ADGB: variants seen among roughly 807,000 people sequenced by gnomAD.
The protein encoded by ADGB is androglobin.
ADGB carries 172 observed loss-of-function variants against 210.5 expected under a neutral mutation model. The ratio of observed to expected loss-of-function variants is 0.82; its 90% CI spans 0.72 to 0.93. ADGB has a LOEUF of 0.93. ADGB is among the 40% of genes least tolerant of loss of function. The pLI, the probability that ADGB is intolerant of heterozygous loss-of-function variation, is 0.00. For synonymous variants in ADGB, 658 were observed against 662.7 expected (o/e 0.99, Z 0.11); for missense variants, 2,025 against 1,964.8 (o/e 1.03, Z -0.58).
intron 27 of ADGB, among the ~76,000 whole-genome samples, chr6:146,754,604 G>A (rs985589425): frequency 2.6e-5 from 4 of 151,682 alleles, no homozygotes; most frequent in African/African-American, 9.7e-5. Context: ...TTAGCCATGG[G>A]CTATGATTTA....
intron 1 of ADGB, among the ~76,000 whole-genome samples, chr6:146,610,273 G>GT (rs1780687770): frequency 6.6e-6 from 1 of 152,108 alleles, no homozygotes; most frequent in African/African-American, 2.4e-5. Flanking sequence ...TGTTGGATTG[G>GT]TTTTCAACTT....
At chr6:146,728,438 A>T in intron 19 of ADGB, 136 bp from the exon 20 acceptor site, 1 of 928,076 alleles carries the variant, frequency 1.1e-6, no homozygotes, top group Non-Finnish European at 1.5e-6. Context: ...TAGTAAAGCT[A>T]CCTTGATATC....
chr6:146,792,553 T>G (rs977101454), intron 33 of ADGB, among the ~76,000 whole-genome samples: 1 of 152,108 alleles, frequency 6.6e-6, no homozygotes, highest in Non-Finnish European at 1.5e-5. Context: ...GACTTTTTTT[T>G]TTTTTACCCA....
At chr6:146,599,882 C>A (rs1357220228) in intron 1 of ADGB, among the ~76,000 whole-genome samples, 5 of 152,132 alleles carry the variant, frequency 3.3e-5, no homozygotes. Context: ...AGCTGCCCGC[C>A]CTGCTTCAGT....
In ADGB at chr6:146,766,328, G is replaced by A. The variant is rs190849563; in HGVS notation, c.3750+2228G>A. On this transcript the variant is annotated intron_variant, in intron 28 of 35. Transcript: ENST00000397944. The stretch of plus-strand genomic sequence containing the variant: ...TGTAATCCCAGCTACTTCAGAGGCT[G>A]AGGCATGAGAACCGCTTGAACCTGG... Among the ~76,000 whole-genome samples, 27 of 152,152 alleles carry A rather than the reference G, an allele frequency of 1.8e-4. No individual in the cohort carries two copies. In the East Asian group the frequency reaches 5.2e-3, roughly 29 times the overall value.
chr6:146,628,682 A>T (rs1781016139), intron 1 of ADGB, among the ~76,000 whole-genome samples: 1 of 151,520 alleles, frequency 6.6e-6, no homozygotes. Context: ...TCTCCTAGTG[A>T]TGCCCTTTCT....
intron 13 of ADGB, among the ~76,000 whole-genome samples, chr6:146,711,411 C>A (rs1322275697): frequency 1.3e-5 from 2 of 151,846 alleles, no homozygotes; most frequent in Non-Finnish European, 2.9e-5. Context: ...TGCTTCAGTG[C>A]AAACTGAGAG....
At chr6:146,664,773 G>A (rs956510324) in intron 6 of ADGB, among the ~76,000 whole-genome samples, 2 of 152,032 alleles carry the variant, frequency 1.3e-5, no homozygotes, top group Admixed American at 1.3e-4. Flanking sequence ...TTTTCTGAAA[G>A]ATGTCAATGT....
chr6:146,704,541 C>T (rs1355764903), intron 13 of ADGB, among the ~76,000 whole-genome samples: 1 of 152,018 alleles, frequency 6.6e-6, no homozygotes, highest in Admixed American at 6.6e-5. Context: ...ATCCCAAAAT[C>T]ATTTACTGAA....
Position 146,718,108 on chromosome 6 carries a change from C to T in ADGB, c.1992+509C>T, listed in dbSNP as rs559760240. Among the ~76,000 whole-genome samples the T allele has an allele frequency of 1.1e-4, 16 of 152,184 alleles. No homozygotes were observed. In the South Asian group the frequency reaches 3.3e-3, roughly 32 times the overall value. On this transcript the variant is annotated intron_variant, in intron 16 of 35. Coordinates refer to ENST00000397944, the MANE Select transcript of ADGB (RefSeq NM_024694.4). ...ATGCCCTTGACACTGTGAGGCTTCC[C>T]TTCCCTGGCCATGGAATCTGGGTTA...
intron 29 of ADGB, among the ~76,000 whole-genome samples, chr6:146,769,664 C>G (rs1345937967): frequency 6.6e-6 from 1 of 152,016 alleles, no homozygotes; most frequent in Non-Finnish European, 1.5e-5. Flanking sequence ...GCTTTATATC[C>G]CATTGGGCAA....
At chr6:146,678,518 C>G (rs1462842391) in intron 9 of ADGB, among the ~76,000 whole-genome samples, 1 of 152,128 alleles carries the variant, frequency 6.6e-6, no homozygotes, top group South Asian at 2.1e-4. Flanking sequence ...TGTGTCACCA[C>G]GCTCTGTCTA....
intron 35 of ADGB, chr6:146,807,538 T>C (rs1221899691): frequency 1.9e-5 from 30 of 1,551,294 alleles, no homozygotes; most frequent in Non-Finnish European, 2.4e-5. Context: ...ACAGAAAAGA[T>C]GACCCCAGCT....
chr6:146,739,008 G>T (rs1029686746), intron 23 of ADGB, among the ~76,000 whole-genome samples: 1 of 152,172 alleles, frequency 6.6e-6, no homozygotes, highest in African/African-American at 2.4e-5. Flanking sequence ...ACTCAGTCAG[G>T]TATATCACCC....
chr6:146,784,006 T>C (rs905921981), intron 30 of ADGB, among the ~76,000 whole-genome samples: 1 of 152,218 alleles, frequency 6.6e-6, no homozygotes, highest in African/African-American at 2.4e-5. Context: ...TAATTTAATG[T>C]GTACAGTTTT....
chr6:146,604,977 A>G (rs1780611084), intron 1 of ADGB, among the ~76,000 whole-genome samples: 1 of 152,134 alleles, frequency 6.6e-6, no homozygotes, highest in African/African-American at 2.4e-5. Flanking sequence ...CAATTTCAAA[A>G]GGCACAGGTT....
At chr6:146,604,326 C>T (rs1354075062) in intron 1 of ADGB, among the ~76,000 whole-genome samples, 1 of 152,152 alleles carries the variant, frequency 6.6e-6, no homozygotes, top group Non-Finnish European at 1.5e-5. Context: ...CCCAAGTCCA[C>T]GCAGGGGAAG....
At chr6:146,627,876 C>G (rs1781001063) in intron 1 of ADGB, among the ~76,000 whole-genome samples, 1 of 152,226 alleles carries the variant, frequency 6.6e-6, no homozygotes, top group South Asian at 2.1e-4. Context: ...AAAACTCTCT[C>G]AGGGCCATAT....
chr6:146,806,797 G>T (rs1778218540), intron 35 of ADGB, among the ~76,000 whole-genome samples: 1 of 152,214 alleles, frequency 6.6e-6, no homozygotes, highest in Non-Finnish European at 1.5e-5. Context: ...GGAGCAGCTG[G>T]TGAGACAGAA....
Sources: allele counts gnomAD v4.1 joint callset (sites outside exome capture counted in the v4.1 genomes callset), GRCh38; gene constraint gnomAD v4.1.1; transcripts MANE v1.5; gene names NCBI Gene and HGNC (gene_info 2026-07-23, HGNC 2026-07-21).